TGS1: variants seen among roughly 807,000 people sequenced by gnomAD.
TGS1 encodes trimethylguanosine synthase 1.
TGS1 carries 69 observed loss-of-function variants against 92.2 expected under a neutral mutation model. That is an observed-to-expected ratio of 0.75 (90% CI 0.62 to 0.91). The LOEUF is 0.91. Among genes scored for constraint, TGS1 ranks in the 40% least tolerant of loss-of-function variants. The pLI, the probability that TGS1 is intolerant of heterozygous loss-of-function variation, is 0.00. For missense variants in TGS1, 1,062 were observed against 1,001.2 expected (o/e 1.06, Z -0.82); for synonymous variants, 345 against 338.1 (o/e 1.02, Z -0.22).
intron 12 of TGS1, among the ~76,000 whole-genome samples, chr8:55,819,883 C>CA (rs1333909333): frequency 6.6e-6 from 1 of 152,220 alleles, no homozygotes; most frequent in East Asian, 1.9e-4. Context: ...AAAAGAGGGA[C>CA]AAAAATAACT....
At chr8:55,791,062 T>C (rs929526148) in intron 5 of TGS1, among the ~76,000 whole-genome samples, 28 of 152,160 alleles carry the variant, frequency 1.8e-4, no homozygotes, top group Admixed American at 6.5e-5. Context: ...GACCTCAAGG[T>C]CATGCTCTCA....
chr8:55,801,589 T>C (rs1812216039), intron 8 of TGS1, among the ~76,000 whole-genome samples: 1 of 112,576 alleles, frequency 8.9e-6, no homozygotes, highest in African/African-American at 3.7e-5. Flanking sequence ...GTTCTTTTTT[T>C]TTTTTTTTTT....
Position 55,793,733 on chromosome 8 carries a change from AATTTATTT to A in TGS1, c.1367+986_1367+993del, listed in dbSNP as rs143163863. ...CAGGCATGCACCACCATGCCCTGCT[AATTTATTT>A]ATTTATTTATTTATTTATTTATTTA... On this transcript the variant is annotated intron_variant, in intron 6 of 12. Coordinates refer to ENST00000260129, the MANE Select transcript of TGS1 (RefSeq NM_024831.8). 7.9e-3 allele frequency among the ~76,000 whole-genome samples: 1,141 copies of A among 144,958 alleles called. 11 individuals carry two copies. The highest frequency in any genetic ancestry group is 0.021 in the African/African-American group (801 of 38,536).
Position 55,826,139 on chromosome 8 carries a change from C to T in TGS1, c.*1436C>T, listed in dbSNP as rs1025352381. 6.6e-6 allele frequency among the ~76,000 whole-genome samples: 1 copy of T among 152,102 alleles called. No homozygotes were observed. Among genetic ancestry groups the T allele is most frequent in the Admixed American group, 6.6e-5 (1 of 15,252 alleles). ...TTCTGGGATTACAGGCGTGAGCCACCGCGCCTGGCTTTATGTAGCATTCTT... is the reference window on the plus strand; with the variant it reads ...TTCTGGGATTACAGGCGTGAGCCACTGCGCCTGGCTTTATGTAGCATTCTT... On this transcript the variant is annotated 3_prime_UTR_variant, in exon 13 of 13. Coordinates refer to ENST00000260129, the MANE Select transcript of TGS1 (RefSeq NM_024831.8).
At position 55,826,164 on chromosome 8, in the gene TGS1, T is replaced by C. The variant is rs1458984475; in HGVS notation, c.*1461T>C. Among the ~76,000 whole-genome samples, 2 of 152,160 alleles carry C rather than the reference T, an allele frequency of 1.3e-5. No individual in the cohort carries two copies. On this transcript the variant is annotated 3_prime_UTR_variant, in exon 13 of 13. Coordinates refer to ENST00000260129, the MANE Select transcript of TGS1 (RefSeq NM_024831.8). ...CGCGCCTGGCTTTATGTAGCATTCT[T>C]AAAGTCACTAGGGAGATGGCAGGTG... is the stretch of plus-strand genomic sequence containing the variant.
At chr8:55,815,025 C>T (rs1803439860) in intron 12 of TGS1, among the ~76,000 whole-genome samples, 1 of 151,982 alleles carries the variant, frequency 6.6e-6, no homozygotes, top group Admixed American at 6.6e-5. Flanking sequence ...GAATATTATG[C>T]TCTACATCGT....
intron 9 of TGS1, among the ~76,000 whole-genome samples, chr8:55,803,711 T>G (rs1812285725): frequency 6.6e-6 from 1 of 151,726 alleles, no homozygotes; most frequent in East Asian, 1.9e-4. Context: ...TTTATTTTTT[T>G]TAGACAGGGT....
At chr8:55,809,414 G>A (rs1018684326) in intron 10 of TGS1, among the ~76,000 whole-genome samples, 4 of 151,954 alleles carry the variant, frequency 2.6e-5, no homozygotes, top group African/African-American at 9.7e-5. Flanking sequence ...TTAAGCTGTC[G>A]AGGTGTGCTA....
In TGS1 at chr8:55,785,767, C is replaced by G. The variant is rs1430629523; in HGVS notation, c.215C>G (p.Ala72Gly). Residue 72 changes from alanine (A) to glycine (G), a missense_variant, in exon 3 of 13, where the codon GCA becomes GGA. By Grantham distance (60) the Ala-to-Gly change is moderately conservative (BLOSUM62 0). Coordinates refer to ENST00000260129, the MANE Select transcript of TGS1 (RefSeq NM_024831.8). ...EEEGGYSCGT[A>G]ESHDSKGIGL... ...GAAGGTGGTTATTCCTGTGGTACTG[C>G]AGAATCACATGACAGCAAAGGCATA... 1 of 1,613,296 alleles carries G rather than the reference C, an allele frequency of 6.2e-7. No homozygotes were observed.
At position 55,793,810 on chromosome 8, in the gene TGS1, G is replaced by T. The variant is rs566631050; in HGVS notation, c.1367+1026G>T. Among the ~76,000 whole-genome samples, 698 of 151,128 alleles carry T rather than the reference G, an allele frequency of 4.6e-3. 3 individuals are homozygous for T. The highest frequency in any genetic ancestry group is 0.016 in the African/African-American group (647 of 41,108). On this transcript the variant is annotated intron_variant, in intron 6 of 12. Coordinates refer to ENST00000260129, the MANE Select transcript of TGS1 (RefSeq NM_024831.8). Reference sequence around the variant, plus strand: ...TTTTATTTTTTTTAGTAGAGACAGGGTTGCACCATATTGGCCAGGCTGGTC... The same window carrying T: ...TTTTATTTTTTTTAGTAGAGACAGGTTTGCACCATATTGGCCAGGCTGGTC...
intron 4 of TGS1, 36 bp from the exon 5 acceptor site, chr8:55,790,145 AG>A (rs757130052): frequency 1.3e-6 from 2 of 1,519,358 alleles, no homozygotes; most frequent in South Asian, 1.1e-5. Context: ...TGTCAAACCA[AG>A]GGGGAAAAGC....
intron 10 of TGS1, among the ~76,000 whole-genome samples, chr8:55,805,612 G>A (rs371197960): frequency 2.6e-4 from 40 of 152,230 alleles, no homozygotes; most frequent in African/African-American, 4.3e-4. Flanking sequence ...TTGGCCAGGC[G>A]TAGTGGCTTA....
At chr8:55,814,834 TA>T (rs1554564865) in intron 12 of TGS1, among the ~76,000 whole-genome samples, 66 of 127,928 alleles carry the variant, frequency 5.2e-4, no homozygotes, top group Admixed American at 6.1e-4. Context: ...TGAGACTGTC[TA>T]AAAAAAAAAA....
intron 2 of TGS1, among the ~76,000 whole-genome samples, chr8:55,784,848 G>A (rs1037947955): frequency 2.0e-5 from 3 of 152,066 alleles, no homozygotes; most frequent in South Asian, 2.1e-4. Context: ...TTTTCTCCAC[G>A]TACCAGGGTT....
chr8:55,800,898 C>T (rs996963319), intron 8 of TGS1, among the ~76,000 whole-genome samples: 3 of 152,124 alleles, frequency 2.0e-5, no homozygotes, highest in African/African-American at 7.2e-5. Flanking sequence ...TGTTTTTATA[C>T]TTAACTGTGA....
intron 1 of TGS1, 144 bp downstream of exon 1, chr8:55,773,863 C>A (rs1255094741): frequency 1.6e-6 from 1 of 638,596 alleles, no homozygotes; most frequent in Non-Finnish European, 2.7e-6. Context: ...AAAACAAAAC[C>A]CTCAGACATG....
chr8:55,790,319 T>A lies in TGS1; in HGVS notation c.1280+20T>A. The A allele has an allele frequency of 1.3e-6, 2 of 1,523,598 alleles. No homozygotes were observed. Among genetic ancestry groups the A allele is most frequent in the Non-Finnish European group, 1.8e-6 (2 of 1,097,930 alleles). The allele number at this position is 1,523,598 out of a possible 1,614,324, so 94.4% of individuals were successfully genotyped here. On this transcript the variant is annotated intron_variant, in intron 5 of 12. Transcript: ENST00000260129. ...GAGGAGGTAAGTTACATGAGACCCC[T>A]CTCACCAGAGCGTGTTAGAGTAAGC... is the stretch of plus-strand genomic sequence containing the variant.
intron 10 of TGS1, among the ~76,000 whole-genome samples, chr8:55,810,016 A>G (rs16922270): frequency 0.13 from 19,456 of 152,260 alleles, 1,308 homozygotes; most frequent in African/African-American, 0.16. Flanking sequence ...TGATTTTGCA[A>G]TATGTTATAA....
chr8:55,801,565 C>A lies in TGS1; in HGVS notation c.1850-892C>A, dbSNP rs193245534. On this transcript the variant is annotated intron_variant, in intron 8 of 12. Coordinates refer to ENST00000260129, the MANE Select transcript of TGS1 (RefSeq NM_024831.8). ...CTGGGATTATAGGCATGAACCACTG[C>A]GCCCAGCCCCATCGTTCTTTTTTTT... Among the ~76,000 whole-genome samples, 416 of 140,198 alleles carry A rather than the reference C, an allele frequency of 3.0e-3. 6 individuals carry two copies. Among genetic ancestry groups the A allele is most frequent in the African/African-American group, 9.9e-3 (368 of 37,064 alleles). 92.0% of individuals were successfully genotyped at this position (140,198 alleles called of 152,430 possible).
Sources: allele counts gnomAD v4.1 joint callset (sites outside exome capture counted in the v4.1 genomes callset), GRCh38; gene constraint gnomAD v4.1.1; transcripts MANE v1.5; gene names NCBI Gene and HGNC (gene_info 2026-07-23, HGNC 2026-07-21).